Variants in TMOD1 observed in about 807,000 individuals in gnomAD.
The protein encoded by TMOD1 is tropomodulin-1.
In TMOD1, 17 loss-of-function variants were observed where a neutral mutation model predicts 40.6. That is an observed-to-expected ratio of 0.42 (90% CI 0.29 to 0.63). The LOEUF (loss-of-function observed/expected upper bound fraction) is 0.63. Among genes scored for constraint, TMOD1 ranks in the 20% least tolerant of loss-of-function variants. TMOD1 has a pLI of 0.22. For synonymous variants in TMOD1, 181 were observed against 175.0 expected, an observed-to-expected ratio of 1.03 and a Z score of -0.27; for missense variants, 391 against 447.6, an observed-to-expected ratio of 0.87 and a Z score of 1.14.
intron 8 of TMOD1, among the ~76,000 whole-genome samples, chr9:97,582,223 G>T (rs920617780): frequency 5.4e-5 from 8 of 149,328 alleles, no homozygotes; most frequent in Non-Finnish European, 9.0e-5. Context: ...CATATGGCTA[G>T]CCAGTTTTCC....
At chr9:97,575,029 G>C (rs2480721) in intron 8 of TMOD1, among the ~76,000 whole-genome samples, 50 of 152,144 alleles carry the variant, frequency 3.3e-4, no homozygotes, top group South Asian at 8.3e-4. Flanking sequence ...CAGGCTGCCG[G>C]ATAACGCAGT....
intron 2 of TMOD1, among the ~76,000 whole-genome samples, chr9:97,540,749 TACC>T (rs1381718816): frequency 6.6e-6 from 1 of 152,256 alleles, no homozygotes; most frequent in Non-Finnish European, 1.5e-5. Context: ...TGTATGGGTA[TACC>T]ACATTTGTCT....
intron 3 of TMOD1, among the ~76,000 whole-genome samples, chr9:97,551,511 C>T (rs4743106): frequency 0.78 from 118,771 of 152,074 alleles, 46,515 homozygotes; most frequent in Middle Eastern, 0.87. Flanking sequence ...ATCAATTTGC[C>T]ATAGATGTTT....
In TMOD1 at chr9:97,591,284, A is replaced by C. The variant is rs1289702650; in HGVS notation, c.871-7A>C. On this transcript the variant is annotated splice_polypyrimidine_tract_variant and splice_region_variant and intron_variant, in intron 8 of 9. Transcript: ENST00000259365. ...ATTTTTTATTTTTTATTTTTTCTTG[A>C]CTAAAGAGCCAGCCCCTGGGCAACA... 6.2e-7 allele frequency: 1 copy of C among 1,611,036 alleles called. No homozygotes were observed. The highest frequency in any genetic ancestry group is 2.2e-5 in the East Asian group (1 of 44,862).
intron 8 of TMOD1, among the ~76,000 whole-genome samples, chr9:97,569,242 T>G (rs2131270469): frequency 6.6e-6 from 1 of 152,312 alleles, no homozygotes; most frequent in African/African-American, 2.4e-5. Flanking sequence ...GCTCTTCCAG[T>G]TCTGATTGAG....
intron 9 of TMOD1, among the ~76,000 whole-genome samples, chr9:97,592,776 C>T (rs1826028134): frequency 6.6e-6 from 1 of 152,182 alleles, no homozygotes; most frequent in Non-Finnish European, 1.5e-5. Flanking sequence ...ATTCCACAAA[C>T]ATATACCAAA....
chr9:97,574,518 G>A (rs1014262957), intron 8 of TMOD1, among the ~76,000 whole-genome samples: 2 of 152,200 alleles, frequency 1.3e-5, no homozygotes, highest in Non-Finnish European at 2.9e-5. Context: ...CCTGCTCCAC[G>A]GCGCCCAGTC....
At chr9:97,543,390 C>CAT (rs1830305767) in intron 2 of TMOD1, among the ~76,000 whole-genome samples, 2 of 152,240 alleles carry the variant, frequency 1.3e-5, no homozygotes, top group African/African-American at 4.8e-5. Context: ...CTCCTATTAA[C>CAT]ATATATTCTA....
At chr9:97,527,094 T>C (rs1830026563) in intron 2 of TMOD1, among the ~76,000 whole-genome samples, 2 of 152,154 alleles carry the variant, frequency 1.3e-5, no homozygotes, top group African/African-American at 4.8e-5. Flanking sequence ...TGCATTTCTC[T>C]TTCTTCCCCC....
intron 8 of TMOD1, among the ~76,000 whole-genome samples, chr9:97,580,434 A>G (rs975933167): frequency 6.6e-6 from 1 of 152,090 alleles, no homozygotes; most frequent in Non-Finnish European, 1.5e-5. Context: ...GTGAAATCCC[A>G]TCTCTACTAA....
At chr9:97,519,281 C>A (rs1267649313) in intron 1 of TMOD1, among the ~76,000 whole-genome samples, 1 of 152,212 alleles carries the variant, frequency 6.6e-6, no homozygotes, top group Non-Finnish European at 1.5e-5. Context: ...CACTGTCCAA[C>A]CTGCCGAGTG....
intron 8 of TMOD1, among the ~76,000 whole-genome samples, chr9:97,572,264 C>T (rs1830830232): frequency 6.6e-6 from 1 of 152,066 alleles, no homozygotes; most frequent in African/African-American, 2.4e-5. Context: ...CACAGGCTCA[C>T]GGTACCCCCA....
intron 2 of TMOD1, among the ~76,000 whole-genome samples, chr9:97,531,295 C>T (rs2131229970): frequency 6.6e-6 from 1 of 152,252 alleles, no homozygotes; most frequent in South Asian, 2.1e-4. Flanking sequence ...CCCTGCTTTC[C>T]TTAGACCATA....
At chr9:97,563,165 C>T (rs1275954453) in intron 5 of TMOD1, among the ~76,000 whole-genome samples, 1 of 152,202 alleles carries the variant, frequency 6.6e-6, no homozygotes, top group East Asian at 1.9e-4. Flanking sequence ...GCGATCCTCC[C>T]ACCTCTGCCT....
chr9:97,540,056 A>G (rs1026052844), intron 2 of TMOD1, among the ~76,000 whole-genome samples: 2 of 152,146 alleles, frequency 1.3e-5, no homozygotes, highest in Admixed American at 6.5e-5. Context: ...TAGCATATTC[A>G]CAGAGTCGTA....
intron 8 of TMOD1, among the ~76,000 whole-genome samples, chr9:97,587,945 C>G (rs932466296): frequency 6.6e-6 from 1 of 152,184 alleles, no homozygotes; most frequent in African/African-American, 2.4e-5. Flanking sequence ...TATTCCCTTT[C>G]TGACTGAATA....
chr9:97,508,057 TCA>T (rs56669574), intron 1 of TMOD1, among the ~76,000 whole-genome samples: 59,629 of 131,238 alleles, frequency 0.45, 12,850 homozygotes, highest in Middle Eastern at 0.48. Flanking sequence ...TCTTCCTGAT[TCA>T]CACACACACA....
intron 3 of TMOD1, among the ~76,000 whole-genome samples, chr9:97,549,075 G>C (rs765729784): frequency 5.3e-5 from 8 of 152,230 alleles, no homozygotes; most frequent in Admixed American, 5.2e-4. Context: ...GGAAAGGGAG[G>C]CCTTCTCATT....
chr9:97,516,976 G>A (rs753154592), intron 1 of TMOD1, among the ~76,000 whole-genome samples: 21 of 152,080 alleles, frequency 1.4e-4, no homozygotes, highest in Non-Finnish European at 1.9e-4. Flanking sequence ...GGTTAAAATG[G>A]CAAATTTTAT....
Sources: gnomAD v4.1 joint callset for allele counts (sites outside exome capture counted in the v4.1 genomes callset) on GRCh38, gnomAD v4.1.1 for gene constraint, MANE v1.5 for transcripts, NCBI Gene and HGNC (gene_info 2026-07-23, HGNC 2026-07-21) for gene names.